Variants in GCG observed in about 807,000 individuals in gnomAD.
GCG encodes the protein glucagon, also known as pro-glucagon.
In GCG, 11 loss-of-function variants were observed where a neutral mutation model predicts 22.8. The ratio of observed to expected loss-of-function variants is 0.48; its 90% CI spans 0.30 to 0.80. The LOEUF is 0.80. Among genes scored for constraint, GCG ranks in the 30% least tolerant of loss-of-function variants. The probability of loss-of-function intolerance (pLI) is 0.06; values close to 1 mark genes in which losing one functional copy is unlikely to be tolerated. For missense variants in GCG, 222 were observed against 222.0 expected (o/e 1.00, Z 0.00); for synonymous variants, 89 against 72.4 (o/e 1.23, Z -1.16).
At position 162,145,543 on chromosome 2, in the gene GCG, C is replaced by T. The variant is rs376928286; in HGVS notation, c.389G>A (p.Arg130Gln). Residue 130 changes from arginine to glutamine, a missense_variant, in exon 4 of 6, where the codon CGA becomes CAA. Transcript: ENST00000418842. ...IAWLVKGRGRRDFPEEVAIVE... is the reference protein window; with the variant it reads ...IAWLVKGRGRQDFPEEVAIVE... ...AAATAAGAATGTACAGACTTACTCTCGCCTTCCTCGGCCTTTCACCAGCCA... is the reference window on the plus strand; with the variant it reads ...AAATAAGAATGTACAGACTTACTCTTGCCTTCCTCGGCCTTTCACCAGCCA... The T allele has an allele frequency of 4.2e-5, 67 of 1,606,616 alleles. No individual in the cohort carries two copies. The highest frequency in any genetic ancestry group is 5.1e-5 in the Non-Finnish European group (60 of 1,176,988).
At chr2:162,149,695 T>C (rs1383012294) in intron 1 of GCG, among the ~76,000 whole-genome samples, 1 of 152,160 alleles carries the variant, frequency 6.6e-6, no homozygotes, top group Non-Finnish European at 1.5e-5. Context: ...CAGCTGTCGG[T>C]TCAGATGTAT....
Position 162,144,160 on chromosome 2 carries a change from C to T in GCG, c.403G>A (p.Glu135Lys), listed in dbSNP as rs748879622. The change falls in exon 5 of 6, where the codon GAG becomes AAG. Residue 135 changes from glutamate (E) to lysine (K), a missense_variant. By Grantham distance (56) the Glu-to-Lys change is moderately conservative. Coordinates refer to ENST00000418842, the MANE Select transcript of GCG (RefSeq NM_002054.5). ...KGRGRRDFPE[E>K]VAIVEELGRR... ...CCAAGTTCTTCAACAATGGCGACCT[C>T]TTCTGGGAAACTAAGAAAATAAGTG... 9 of 1,610,872 alleles carry T rather than the reference C, an allele frequency of 5.6e-6. No individual in the cohort carries two copies. The East Asian group carries it at 1.8e-4, about 32-fold the overall frequency.
At chr2:162,148,895 T>C (rs1346932671) in intron 2 of GCG, among the ~76,000 whole-genome samples, 192 bp downstream of exon 2, 1 of 152,108 alleles carries the variant, frequency 6.6e-6, no homozygotes, top group African/African-American at 2.4e-5. Context: ...TCTCTCCCCT[T>C]TTATTATAAA....
At chr2:162,151,608 T>C (rs1426195901) in intron 1 of GCG, among the ~76,000 whole-genome samples, 1 of 152,182 alleles carries the variant, frequency 6.6e-6, no homozygotes, top group Non-Finnish European at 1.5e-5. Flanking sequence ...ACGCTATGTT[T>C]TATTTACAAA....
In GCG at chr2:162,145,689, G is replaced by A. The variant is rs746752322; in HGVS notation, c.255-12C>T. 3.1e-6 allele frequency: 5 copies of A among 1,605,456 alleles called. No individual in the cohort carries two copies. Among genetic ancestry groups the A allele is most frequent in the Non-Finnish European group, 4.3e-6 (5 of 1,175,754 alleles). ...TGGCAATGTTATTCCTGAAAGAAAT[G>A]TGAAAGTTAAATTGAAGATCTGTCT... On this transcript the variant is annotated splice_polypyrimidine_tract_variant and intron_variant, in intron 3 of 5. Transcript: ENST00000418842.
chr2:162,143,622 T>C (rs1202901173), intron 5 of GCG, among the ~76,000 whole-genome samples: 1 of 152,162 alleles, frequency 6.6e-6, no homozygotes, highest in Non-Finnish European at 1.5e-5. Context: ...GATAAGTATT[T>C]TTCGGTGTCC....
At position 162,143,305 on chromosome 2, in the gene GCG, C is replaced by G; in HGVS notation, c.*59G>C. 2.1e-6 allele frequency: 2 copies of G among 950,338 alleles called. No individual in the cohort carries two copies. Among genetic ancestry groups the G allele is most frequent in the Non-Finnish European group, 3.1e-6 (2 of 646,230 alleles). The allele number at this position is 950,338 out of a possible 1,614,324, so 58.9% of individuals were successfully genotyped here. On this transcript the variant is annotated 3_prime_UTR_variant, in exon 6 of 6. Transcript: ENST00000418842. ...CTTAAATTTACAGGACTTAACATTT[C>G]AAACATCCCACGTGGCTAGCAGGTG...
At chr2:162,149,280 A>G (rs2106197755) in intron 1 of GCG, 93 bp from the exon 2 acceptor site, 3 of 696,584 alleles carry the variant, frequency 4.3e-6, no homozygotes, top group South Asian at 1.8e-5. Context: ...CTAGATAAAT[A>G]TCATAAGTAG....
intron 3 of GCG, 146 bp downstream of exon 3, chr2:162,147,207 G>A (rs1686710304): frequency 1.5e-6 from 1 of 678,264 alleles, no homozygotes; most frequent in Admixed American, 2.5e-5. Flanking sequence ...ATACTAAGGA[G>A]AGCATCCCCA....
chr2:162,146,538 T>TTCTCTCTCTCTCTC lies in GCG; in HGVS notation c.254+801_254+814dup, dbSNP rs59717414. Among the ~76,000 whole-genome samples, 34 of 133,512 alleles carry TTCTCTCTCTCTCTC rather than the reference T, an allele frequency of 2.5e-4. No individual in the cohort carries two copies. In the East Asian group the frequency reaches 3.2e-3, roughly 12 times the overall value. 87.6% of individuals were successfully genotyped at this position (133,512 alleles called of 152,430 possible). On this transcript the variant is annotated intron_variant, in intron 3 of 5. Transcript: ENST00000418842. ...TTCTCCTATTCCTCCTGCTTGCTTGTTCTCTCTCTCTCTCTCTCTCTCTCT... is the reference window on the plus strand; with the variant it reads ...TTCTCCTATTCCTCCTGCTTGCTTGTTCTCTCTCTCTCTCTCTCTCTCTCTCTCTCTCTCTCTCT...
intron 2 of GCG, among the ~76,000 whole-genome samples, 188 bp downstream of exon 2, chr2:162,148,899 T>C (rs1686762796): frequency 7.3e-6 from 1 of 137,834 alleles, no homozygotes; most frequent in Non-Finnish European, 1.6e-5. Context: ...TCCCCTTTTA[T>C]TATAAAAAAC....
intron 2 of GCG, 75 bp downstream of exon 2, chr2:162,149,012 A>G: frequency 2.4e-6 from 2 of 837,404 alleles, no homozygotes; most frequent in East Asian, 2.5e-5. Context: ...CTGAGACCTT[A>G]TTCACTAATC....
rs775161573 is a variant in GCG at position 162,145,556 on chromosome 2, C to T, written c.376G>A (p.Gly126Ser). The change falls in exon 4 of 6, where the codon GGC (glycine) becomes AGC (serine). Residue 126 changes from glycine (G) to serine (S), a missense_variant. Coordinates refer to ENST00000418842, the MANE Select transcript of GCG (RefSeq NM_002054.5). ...CAGACTTACTCTCGCCTTCCTCGGC[C>T]TTTCACCAGCCAAGCAATGAATTCC... ...AKEFIAWLVK[G>S]RGRRDFPEEV... The T allele has an allele frequency of 6.2e-7, 1 of 1,609,388 alleles. No individual in the cohort carries two copies. Among genetic ancestry groups the T allele is most frequent in the South Asian group, 1.1e-5 (1 of 89,840 alleles).
At chr2:162,143,504 C>A in intron 5 of GCG, 134 bp from the exon 6 acceptor site, 1 of 467,766 alleles carries the variant, frequency 2.1e-6, no homozygotes. Context: ...ATCCCTCCAT[C>A]CTTTGGACTC....
chr2:162,151,109 A>T (rs918074909), intron 1 of GCG, among the ~76,000 whole-genome samples: 1 of 152,116 alleles, frequency 6.6e-6, no homozygotes. Context: ...ATAAGAAAAT[A>T]ATTTCCAGTT....
At chr2:162,143,984 A>T (rs368807696) in intron 5 of GCG, 43 bp downstream of exon 5, 3 of 1,567,302 alleles carry the variant, frequency 1.9e-6, no homozygotes, top group Non-Finnish European at 2.6e-6. Flanking sequence ...ATCAGTACTT[A>T]TGAGAATTTG....
intron 4 of GCG, 66 bp from the exon 5 acceptor site, chr2:162,144,236 T>A (rs1305642341): frequency 8.2e-7 from 1 of 1,223,180 alleles, no homozygotes. Flanking sequence ...ACAGATTGTC[T>A]ACCACTGGTA....
chr2:162,143,881 C>G (rs1686614745), intron 5 of GCG, 146 bp downstream of exon 5: 2 of 695,742 alleles, frequency 2.9e-6, no homozygotes. Flanking sequence ...ATGATGTACT[C>G]TTATATGACT....
chr2:162,152,123 G>A (rs1419913743), intron 1 of GCG, 35 bp downstream of exon 1: 1 of 152,410 alleles, frequency 6.6e-6, no homozygotes, highest in Non-Finnish European at 1.5e-5. Flanking sequence ...TTCACTGTCC[G>A]CCAAACAGGA....
Sources: gnomAD v4.1 joint callset for allele counts (sites outside exome capture counted in the v4.1 genomes callset) on GRCh38, gnomAD v4.1.1 for gene constraint, MANE v1.5 for transcripts, NCBI Gene and HGNC (gene_info 2026-07-23, HGNC 2026-07-21) for gene names.